The following RNF122 variants were observed in gnomAD, a reference collection of about 807,000 sequenced individuals.
RNF122 encodes the protein ring finger protein 122.
Under a neutral mutation model 24.2 loss-of-function variants are expected in RNF122, and 17 were observed. The ratio of observed to expected loss-of-function variants is 0.70; its 90% CI spans 0.48 to 1.06. The LOEUF is 1.06. RNF122 is among the 50% of genes least tolerant of loss of function. The probability of loss-of-function intolerance (pLI) is 0.00; values close to 1 mark genes in which losing one functional copy is unlikely to be tolerated. For synonymous variants in RNF122, 65 were observed against 71.8 expected (o/e 0.91, Z 0.48); for missense variants, 168 against 198.1 (o/e 0.85, Z 0.91).
intron 5 of RNF122, 139 bp downstream of exon 5, chr8:33,549,271 G>T: frequency 1.4e-6 from 1 of 720,644 alleles, no homozygotes; most frequent in Non-Finnish European, 2.5e-6. Flanking sequence ...AATCCCTCTG[G>T]GCTTTGCTCG....
intron 1 of RNF122, among the ~76,000 whole-genome samples, chr8:33,561,840 C>T (rs1459071840): frequency 6.6e-6 from 1 of 152,134 alleles, no homozygotes; most frequent in Non-Finnish European, 1.5e-5. Flanking sequence ...AGCCACTGTG[C>T]CCCGCCCTCT....
intron 4 of RNF122, 122 bp from the exon 5 acceptor site, chr8:33,549,614 T>C: frequency 1.4e-6 from 1 of 701,972 alleles, no homozygotes; most frequent in Non-Finnish European, 2.5e-6. Flanking sequence ...TTTTTAGCCA[T>C]CCTTTACAAA....
intron 1 of RNF122, among the ~76,000 whole-genome samples, chr8:33,562,322 G>A (rs1417799300): frequency 6.6e-6 from 1 of 151,294 alleles, no homozygotes; most frequent in African/African-American, 2.4e-5. Flanking sequence ...GACCGCTTGA[G>A]GCCAGAAGTT....
chr8:33,566,801 G>C lies in RNF122; in HGVS notation c.-78C>G. ...GGAGGGCGGGGTGGGAGCACTAGCG[G>C]CGTGAGGGGCCGCAGGCGGGGTCGG... On this transcript the variant is annotated 5_prime_UTR_variant, in exon 1 of 6. Transcript: ENST00000256257. 1.3e-6 allele frequency: 2 copies of C among 1,521,542 alleles called. No individual in the cohort carries two copies. Among genetic ancestry groups the C allele is most frequent in the Non-Finnish European group, 1.8e-6 (2 of 1,116,692 alleles). The allele number at this position is 1,521,542 out of a possible 1,614,324, so 94.3% of individuals were successfully genotyped here.
Position 33,548,683 on chromosome 8 carries a change from G to T in RNF122, c.*70C>A. ...CATCACCCTACAGTCCTGTTGGTTG[G>T]AGCTGTGCAGAGGGACCAGACATCC... On this transcript the variant is annotated 3_prime_UTR_variant, in exon 6 of 6. Coordinates refer to ENST00000256257, the MANE Select transcript of RNF122 (RefSeq NM_024787.3). The T allele has an allele frequency of 1.1e-6, 1 of 936,898 alleles. No homozygotes were observed. The allele number at this position is 936,898 out of a possible 1,614,324, so 58.0% of individuals were successfully genotyped here.
At position 33,566,724 on chromosome 8, in the gene RNF122, C is replaced by T; in HGVS notation, c.-1G>A. 1 of 1,605,380 alleles carries T rather than the reference C, an allele frequency of 6.2e-7. No individual in the cohort carries two copies. ...CGTTACACCACTGGAATGGGTGCAT[C>T]AATGAAGTCGCGGTTGGCTTCCTCG... is the stretch of plus-strand genomic sequence containing the variant. On this transcript the variant is annotated 5_prime_UTR_variant, in exon 1 of 6. Transcript: ENST00000256257.
chr8:33,560,591 C>T (rs774128092), intron 1 of RNF122, among the ~76,000 whole-genome samples: 1 of 151,428 alleles, frequency 6.6e-6, no homozygotes, highest in African/African-American at 2.4e-5. Flanking sequence ...CTCTCAGAGA[C>T]ACCTAGAATT....
At chr8:33,559,840 G>GTT (rs34393992) in intron 1 of RNF122, among the ~76,000 whole-genome samples, 48 of 131,416 alleles carry the variant, frequency 3.7e-4, no homozygotes, top group African/African-American at 9.7e-4. Context: ...GACCTACGCT[G>GTT]TTTTTTTTTT....
chr8:33,551,173 G>C, intron 3 of RNF122, 88 bp from the exon 4 acceptor site: 1 of 1,528,534 alleles, frequency 6.5e-7, no homozygotes, highest in African/African-American at 1.4e-5. Context: ...GGAGTCCCCT[G>C]GACTGCCTGG....
At position 33,548,087 on chromosome 8, in the gene RNF122, C is replaced by A. The variant is rs559090739; in HGVS notation, c.*666G>T. On this transcript the variant is annotated 3_prime_UTR_variant, in exon 6 of 6. Transcript: ENST00000256257. ...AACCTCAACATGGAATAGGAAGCTCCGAGATTAACTGAGGAAGAGACTGAA... is the reference window on the plus strand; with the variant it reads ...AACCTCAACATGGAATAGGAAGCTCAGAGATTAACTGAGGAAGAGACTGAA... 1 of 152,122 alleles carries A rather than the reference C, an allele frequency of 6.6e-6. No homozygotes were observed. Among genetic ancestry groups the A allele is most frequent in the East Asian group, 1.9e-4 (1 of 5,154 alleles). The allele number at this position is 152,122 out of a possible 1,614,324, so 9.4% of individuals were successfully genotyped here.
chr8:33,566,211 G>T (rs565586168), intron 1 of RNF122, among the ~76,000 whole-genome samples: 29 of 152,282 alleles, frequency 1.9e-4, no homozygotes, highest in African/African-American at 7.0e-4. Context: ...GCAGCCCGTG[G>T]GAAACCAACA....
At chr8:33,556,149 C>T (rs1327104098) in intron 2 of RNF122, among the ~76,000 whole-genome samples, 3 of 137,054 alleles carry the variant, frequency 2.2e-5, no homozygotes, top group South Asian at 2.2e-4. Context: ...AACTGCACTC[C>T]AGCCTGGGCA....
At chr8:33,549,555 G>A (rs1810340630) in intron 4 of RNF122, 63 bp from the exon 5 acceptor site, 3 of 1,314,680 alleles carry the variant, frequency 2.3e-6, no homozygotes, top group Non-Finnish European at 3.3e-6. Flanking sequence ...TTCAACCCCA[G>A]ACAAGAAAAC....
Position 33,548,646 on chromosome 8 carries a change from G to A in RNF122, c.*107C>T. The A allele has an allele frequency of 1.3e-6, 1 of 743,972 alleles. No homozygotes were observed. Among genetic ancestry groups the A allele is most frequent in the South Asian group, 1.6e-5 (1 of 64,296 alleles). 46.1% of individuals were successfully genotyped at this position (743,972 alleles called of 1,614,324 possible). Reference sequence around the variant, plus strand: ...CCTAGACCACCCTTCTCATCACTGGGAAAGTGATCGTCATCACCCTACAGT... The same window carrying A: ...CCTAGACCACCCTTCTCATCACTGGAAAAGTGATCGTCATCACCCTACAGT... On this transcript the variant is annotated 3_prime_UTR_variant, in exon 6 of 6. Coordinates refer to ENST00000256257, the MANE Select transcript of RNF122 (RefSeq NM_024787.3).
Position 33,567,041 on chromosome 8 carries a change from G to A in RNF122, c.-318C>T. On this transcript the variant is annotated 5_prime_UTR_variant, in exon 1 of 6. Transcript: ENST00000256257. ...GGGTGCCCGGGCTGCAGAAGCCCTCGGCCGGGGGAGGAGGGAAAAACCTTT... is the reference window on the plus strand; with the variant it reads ...GGGTGCCCGGGCTGCAGAAGCCCTCAGCCGGGGGAGGAGGGAAAAACCTTT... 1 of 418,908 alleles carries A rather than the reference G, an allele frequency of 2.4e-6. No homozygotes were observed. 25.9% of individuals were successfully genotyped at this position (418,908 alleles called of 1,614,324 possible). A position where few individuals can be genotyped will look rare whatever the true frequency, so the allele number is the denominator to read the frequency against.
At chr8:33,556,639 G>A (rs1810456340) in intron 2 of RNF122, among the ~76,000 whole-genome samples, 1 of 152,152 alleles carries the variant, frequency 6.6e-6, no homozygotes, top group Non-Finnish European at 1.5e-5. Context: ...CAGGTTGGTG[G>A]TCAGGAAGAA....
At position 33,548,606 on chromosome 8, in the gene RNF122, G is replaced by C. The variant is rs1380572676; in HGVS notation, c.*147C>G. On this transcript the variant is annotated 3_prime_UTR_variant, in exon 6 of 6. Transcript: ENST00000256257. ...ACATCTGGCACTGGTCTTGCACTGA[G>C]GGTAGAAGCCCAGTCCTAGACCACC... 7 of 616,040 alleles carry C rather than the reference G, an allele frequency of 1.1e-5. No individual in the cohort carries two copies. Among genetic ancestry groups the C allele is most frequent in the Non-Finnish European group, 2.1e-5 (7 of 338,988 alleles). The allele number at this position is 616,040 out of a possible 1,614,324, so 38.2% of individuals were successfully genotyped here.
intron 2 of RNF122, among the ~76,000 whole-genome samples, chr8:33,556,179 C>CAAAAAA (rs538829399): frequency 0.015 from 497 of 33,972 alleles, 41 homozygotes; most frequent in African/African-American, 0.046. Flanking sequence ...GACCCTGTCT[C>CAAAAAA]AAAAAAAAAA....
At chr8:33,559,895 G>T (rs925590214) in intron 1 of RNF122, among the ~76,000 whole-genome samples, 9 of 150,254 alleles carry the variant, frequency 6.0e-5, no homozygotes, top group Non-Finnish European at 1.0e-4. Flanking sequence ...AGGCTGGAGG[G>T]CAGTGGCGTG....
Sources: gnomAD v4.1 joint callset for allele counts (sites outside exome capture counted in the v4.1 genomes callset) on GRCh38, gnomAD v4.1.1 for gene constraint, MANE v1.5 for transcripts, NCBI Gene and HGNC (gene_info 2026-07-23, HGNC 2026-07-21) for gene names.